GALNT13: variants seen among roughly 807,000 people sequenced by gnomAD.
GALNT13 encodes the protein polypeptide N-acetylgalactosaminyltransferase 13, also known as UDP-GalNAc:polypeptide N-acetylgalactosaminyltransferase 13.
In GALNT13, 28 loss-of-function variants were observed where a neutral mutation model predicts 64.2. That is an observed-to-expected ratio of 0.44 (90% confidence interval 0.32 to 0.60). The LOEUF (loss-of-function observed/expected upper bound fraction) is 0.60, where lower values mean the gene tolerates loss of function less well. Among genes scored for constraint, GALNT13 ranks in the 20% least tolerant of loss-of-function variants. The pLI is 0.05. For missense variants in GALNT13, 577 were observed against 669.8 expected (o/e 0.86, Z 1.53); for synonymous variants, 214 against 224.6 (o/e 0.95, Z 0.42).
chr2:154,368,753 G>T (rs760445540), intron 9 of GALNT13, among the ~76,000 whole-genome samples: 3 of 152,150 alleles, frequency 2.0e-5, no homozygotes, highest in Non-Finnish European at 2.9e-5. Flanking sequence ...TGGGACAGAG[G>T]AAACTCTCGG....
chr2:154,130,233 C>T (rs1259096733), intron 3 of GALNT13, among the ~76,000 whole-genome samples: 1 of 152,078 alleles, frequency 6.6e-6, no homozygotes, highest in Non-Finnish European at 1.5e-5. Context: ...AATGCCTTGA[C>T]CTCATTCATC....
the GALNT13 span, among the ~76,000 whole-genome samples, chr2:153,457,971 T>C: frequency 6.6e-6 from 1 of 152,162 alleles, no homozygotes; most frequent in Non-Finnish European, 1.5e-5. Context: ...CAATCTATCT[T>C]AAAGCCCTCC....
At chr2:153,191,948 C>T in the GALNT13 span, among the ~76,000 whole-genome samples, 1 of 151,562 alleles carries the variant, frequency 6.6e-6, no homozygotes, top group East Asian at 1.9e-4. Context: ...TCTTTTTTTA[C>T]TTGGTTAATT....
chr2:154,232,066 G>A (rs1466360497), intron 4 of GALNT13, among the ~76,000 whole-genome samples: 4 of 151,818 alleles, frequency 2.6e-5, no homozygotes, highest in Non-Finnish European at 5.9e-5. Flanking sequence ...GAGAGAGAGA[G>A]AAGCCCAGTC....
chr2:153,729,501 T>A, the GALNT13 span, among the ~76,000 whole-genome samples: 2 of 152,090 alleles, frequency 1.3e-5, no homozygotes, highest in African/African-American at 4.8e-5. Context: ...CTGTGTTTTT[T>A]AATAAAAGCT....
At chr2:154,069,226 T>G (rs1700621839) in intron 3 of GALNT13, among the ~76,000 whole-genome samples, 1 of 151,962 alleles carries the variant, frequency 6.6e-6, no homozygotes, top group African/African-American at 2.4e-5. Flanking sequence ...AAGAAAGTTC[T>G]TCGGCTTGAA....
chr2:153,498,388 C>T, the GALNT13 span, among the ~76,000 whole-genome samples: 1 of 152,350 alleles, frequency 6.6e-6, no homozygotes, highest in Admixed American at 6.5e-5. Context: ...CTGTGCTTGG[C>T]TAACGCTATT....
the GALNT13 span, among the ~76,000 whole-genome samples, chr2:153,750,180 T>C: frequency 6.6e-6 from 1 of 151,954 alleles, no homozygotes; most frequent in Non-Finnish European, 1.5e-5. Context: ...ATAATCCCCC[T>C]TGTTCATGAT....
the GALNT13 span, among the ~76,000 whole-genome samples, chr2:153,090,859 C>T: frequency 6.6e-6 from 1 of 152,102 alleles, no homozygotes; most frequent in African/African-American, 2.4e-5. Context: ...GAGACCTTGG[C>T]TACCTCTGCT....
At chr2:154,359,639 C>T (rs956365378) in intron 9 of GALNT13, among the ~76,000 whole-genome samples, 11 of 152,086 alleles carry the variant, frequency 7.2e-5, no homozygotes, top group Non-Finnish European at 1.6e-4. Flanking sequence ...ATAGGCCACT[C>T]GTTCTTCCTC....
At chr2:153,119,267 A>G in the GALNT13 span, among the ~76,000 whole-genome samples, 177 of 152,230 alleles carry the variant, frequency 1.2e-3, 1 homozygote, top group Admixed American at 1.9e-3. Flanking sequence ...TGAGCTCTTT[A>G]TTAAACCCAT....
At chr2:154,257,036 G>C (rs1690416373) in intron 7 of GALNT13, among the ~76,000 whole-genome samples, 1 of 152,090 alleles carries the variant, frequency 6.6e-6, no homozygotes, top group Admixed American at 6.6e-5. Flanking sequence ...TTATAAGGCA[G>C]AGTCTCCAAT....
intron 10 of GALNT13, among the ~76,000 whole-genome samples, chr2:154,402,253 C>T (rs187456379): frequency 1.4e-4 from 22 of 152,178 alleles, no homozygotes; most frequent in African/African-American, 5.3e-4. Flanking sequence ...GGGGCGTGGG[C>T]AGTATATATC....
At chr2:154,332,909 C>CA (rs1213875362) in intron 9 of GALNT13, among the ~76,000 whole-genome samples, 1 of 151,860 alleles carries the variant, frequency 6.6e-6, no homozygotes, top group Non-Finnish European at 1.5e-5. Context: ...CGTAGAAACA[C>CA]AAAAAACCCA....
At chr2:153,512,170 G>C in the GALNT13 span, among the ~76,000 whole-genome samples, 5 of 152,178 alleles carry the variant, frequency 3.3e-5, no homozygotes, top group East Asian at 9.6e-4. Context: ...GGGAAGCACT[G>C]AAGAGAAAGA....
chr2:154,128,001 T>C (rs1682392567), intron 3 of GALNT13, among the ~76,000 whole-genome samples: 1 of 152,000 alleles, frequency 6.6e-6, no homozygotes, highest in Non-Finnish European at 1.5e-5. Flanking sequence ...TAATGTAATC[T>C]TTTCTACAAA....
At chr2:153,725,607 A>G in the GALNT13 span, among the ~76,000 whole-genome samples, 5 of 152,060 alleles carry the variant, frequency 3.3e-5, no homozygotes, top group Admixed American at 3.3e-4. Context: ...AGAAAATTTT[A>G]AGAAGATTTT....
chr2:154,323,326 T>C (rs1426119905), intron 9 of GALNT13, among the ~76,000 whole-genome samples: 3 of 151,968 alleles, frequency 2.0e-5, no homozygotes, highest in South Asian at 4.1e-4. Flanking sequence ...AAAGTATTTG[T>C]GTCCATCTTT....
chr2:154,044,373 G>C (rs1699174187), intron 3 of GALNT13, among the ~76,000 whole-genome samples: 1 of 152,214 alleles, frequency 6.6e-6, no homozygotes, highest in African/African-American at 2.4e-5. Context: ...AGGGAAGAAA[G>C]AGCATTTCAG....
Sources: gnomAD v4.1 joint callset for allele counts (sites outside exome capture counted in the v4.1 genomes callset) on GRCh38, gnomAD v4.1.1 for gene constraint, MANE v1.5 for transcripts, NCBI Gene and HGNC (gene_info 2026-07-23, HGNC 2026-07-21) for gene names.